The following MAP2 variants were observed in gnomAD, a reference collection of about 807,000 sequenced individuals.
The protein encoded by MAP2 is microtubule associated protein 2.
Under a neutral mutation model 137.6 loss-of-function variants are expected in MAP2, and 14 were observed. The observed-to-expected ratio is 0.10, with a 90% CI of 0.07 to 0.16. MAP2 has a LOEUF of 0.16. Ranked by LOEUF, MAP2 falls within the 10% of genes least tolerant of loss-of-function variation. MAP2 has a pLI of 1.00. For missense variants in MAP2, 2,088 were observed against 2,191.5 expected, an observed-to-expected ratio of 0.95 and a Z score of 0.94; for synonymous variants, 786 against 782.3, an observed-to-expected ratio of 1.00 and a Z score of -0.08.
intron 5 of MAP2, among the ~76,000 whole-genome samples, chr2:209,664,920 C>T (rs1437006994): frequency 7.0e-6 from 1 of 142,026 alleles, no homozygotes; most frequent in Non-Finnish European, 1.5e-5. Flanking sequence ...GCTGAGATCG[C>T]GCCCCTGCCC....
At chr2:209,443,006 T>C (rs1698195908) in intron 1 of MAP2, among the ~76,000 whole-genome samples, 1 of 151,638 alleles carries the variant, frequency 6.6e-6, no homozygotes, top group East Asian at 1.9e-4. Flanking sequence ...CCAGAGTGAT[T>C]GATCTTTCTT....
chr2:209,517,801 C>A (rs1576898662), intron 2 of MAP2, among the ~76,000 whole-genome samples: 3 of 150,518 alleles, frequency 2.0e-5, no homozygotes, highest in South Asian at 4.2e-4. Context: ...GAAGTATGCT[C>A]AAAAAATAGA....
Position 209,730,535 on chromosome 2 carries a change from A to G in MAP2, c.*138A>G. 1 of 660,780 alleles carries G rather than the reference A, an allele frequency of 1.5e-6. No individual in the cohort carries two copies. Among genetic ancestry groups the G allele is most frequent in the Non-Finnish European group, 2.6e-6 (1 of 392,008 alleles). 40.9% of individuals were successfully genotyped at this position (660,780 alleles called of 1,614,324 possible). A position where few individuals can be genotyped will look rare whatever the true frequency, so the allele number is the denominator to read the frequency against. Reference sequence around the variant, plus strand: ...ATCCCCAAACTGTAGTAATTGTTACAATTTTCTATTTAAAAAATGAATAGT... The same window carrying G: ...ATCCCCAAACTGTAGTAATTGTTACGATTTTCTATTTAAAAAATGAATAGT... On this transcript the variant is annotated 3_prime_UTR_variant, in exon 16 of 16. Transcript: ENST00000682079.
chr2:209,603,811 G>C (rs1446564593), intron 3 of MAP2, among the ~76,000 whole-genome samples: 1 of 152,056 alleles, frequency 6.6e-6, no homozygotes, highest in African/African-American at 2.4e-5. Flanking sequence ...AACCACAATT[G>C]CTCTTAGTGG....
chr2:209,688,394 C>A (rs552951674), intron 7 of MAP2, among the ~76,000 whole-genome samples: 5 of 152,100 alleles, frequency 3.3e-5, no homozygotes, highest in African/African-American at 9.6e-5. Context: ...TAAATAGCAT[C>A]TTTAAATAGC....
intron 1 of MAP2, among the ~76,000 whole-genome samples, chr2:209,435,244 A>G (rs1047533135): frequency 2.6e-5 from 4 of 150,952 alleles, no homozygotes; most frequent in African/African-American, 7.3e-5. Flanking sequence ...AGTATTAAAA[A>G]TAATATAATT....
chr2:209,547,073 TTA>T (rs976046438), intron 2 of MAP2, among the ~76,000 whole-genome samples: 1 of 152,120 alleles, frequency 6.6e-6, no homozygotes, highest in East Asian at 1.9e-4. Flanking sequence ...ATTGCTCCAA[TTA>T]TATATATACC....
intron 2 of MAP2, among the ~76,000 whole-genome samples, chr2:209,515,983 T>TG (rs540605280): frequency 4.1e-4 from 62 of 152,030 alleles, no homozygotes; most frequent in African/African-American, 1.4e-3. Context: ...TTTGCAAAGA[T>TG]GGGGTCTCAT....
intron 4 of MAP2, among the ~76,000 whole-genome samples, chr2:209,636,481 GT>G (rs1476546799): frequency 6.6e-6 from 1 of 151,904 alleles, no homozygotes; most frequent in Non-Finnish European, 1.5e-5. Context: ...TTTTTGGAGT[GT>G]GAGAATTCAA....
chr2:209,691,580 A>G (rs2058915126), intron 7 of MAP2, among the ~76,000 whole-genome samples: 1 of 152,202 alleles, frequency 6.6e-6, no homozygotes, highest in Non-Finnish European at 1.5e-5. Flanking sequence ...TCTTTTCCAG[A>G]TAACTACATT....
intron 4 of MAP2, among the ~76,000 whole-genome samples, chr2:209,628,763 C>G (rs1192443436): frequency 1.3e-5 from 2 of 152,164 alleles, no homozygotes; most frequent in South Asian, 2.1e-4. Context: ...ATGATCTCCT[C>G]TCATGGAGGG....
chr2:209,475,038 G>C (rs1000012948), intron 1 of MAP2, among the ~76,000 whole-genome samples: 1 of 151,952 alleles, frequency 6.6e-6, no homozygotes, highest in South Asian at 2.1e-4. Context: ...TTTTCTATGT[G>C]TATGAAGAGG....
rs374234605 is a variant in MAP2, at chr2:209,565,944, T to G, written c.-171-14092T>G. Reference sequence around the variant, plus strand: ...AGAAGGAAATTTTTCTAAGCAAAGATTTTTTTAATATAAGTAGCCAAGCAT... The same window carrying G: ...AGAAGGAAATTTTTCTAAGCAAAGAGTTTTTTAATATAAGTAGCCAAGCAT... On this transcript the variant is annotated intron_variant, in intron 2 of 15. Coordinates refer to ENST00000682079, the MANE Select transcript of MAP2 (RefSeq NM_001375505.1). 2.3e-4 allele frequency among the ~76,000 whole-genome samples: 35 copies of G among 152,340 alleles called. 2 individuals carry two copies. In the South Asian group the frequency reaches 6.8e-3, roughly 30 times the overall value.
intron 1 of MAP2, among the ~76,000 whole-genome samples, chr2:209,477,018 G>A (rs771006884): frequency 5.9e-5 from 9 of 152,210 alleles, no homozygotes; most frequent in African/African-American, 1.9e-4. Flanking sequence ...CACCCATGAC[G>A]AAGACCATAC....
chr2:209,614,347 T>C (rs1042905041), intron 3 of MAP2, among the ~76,000 whole-genome samples: 2 of 152,208 alleles, frequency 1.3e-5, no homozygotes, highest in Non-Finnish European at 2.9e-5. Context: ...ATGATTCATC[T>C]ATTCTTCCTT....
intron 7 of MAP2, chr2:209,690,585 A>ATTC (rs2058557681): frequency 7.9e-7 from 1 of 1,268,492 alleles, no homozygotes. Flanking sequence ...TGATGTCAAC[A>ATTC]TCTTTTTCAT....
At position 209,689,322 on chromosome 2, in the gene MAP2, C is replaced by A. The variant is rs532453486; in HGVS notation, c.455-3303C>A. On this transcript the variant is annotated intron_variant, in intron 7 of 15. Coordinates refer to ENST00000682079, the MANE Select transcript of MAP2 (RefSeq NM_001375505.1). ...TAGATTTTTTTTTCTCTCTCTGTTT[C>A]TCTCTGAGGATATTAATATTTCTAA... 4.9e-4 allele frequency among the ~76,000 whole-genome samples: 75 copies of A among 151,900 alleles called. 1 individual carries two copies. The highest frequency in any genetic ancestry group is 1.7e-3 in the African/African-American group (72 of 41,460).
chr2:209,607,903 C>T (rs1217625105), intron 3 of MAP2, among the ~76,000 whole-genome samples: 2 of 152,184 alleles, frequency 1.3e-5, no homozygotes, highest in Non-Finnish European at 2.9e-5. Flanking sequence ...TAGTCAAACT[C>T]CTCTAACATG....
intron 4 of MAP2, among the ~76,000 whole-genome samples, chr2:209,651,328 C>T (rs2153605497): frequency 6.6e-6 from 1 of 152,284 alleles, no homozygotes; most frequent in East Asian, 1.9e-4. Flanking sequence ...CCATTCATCC[C>T]TACACAATAT....
Sources: gnomAD v4.1 joint callset for allele counts (sites outside exome capture counted in the v4.1 genomes callset) on GRCh38, gnomAD v4.1.1 for gene constraint, MANE v1.5 for transcripts, NCBI Gene and HGNC (gene_info 2026-07-23, HGNC 2026-07-21) for gene names.